The following VPS35L variants were observed in gnomAD, a reference collection of about 807,000 sequenced individuals.
VPS35L encodes the protein VPS35 endosomal protein sorting factor like.
Under a neutral mutation model 133.0 loss-of-function variants are expected in VPS35L, and 83 were observed. The observed-to-expected ratio is 0.62, with a 90% confidence interval of 0.52 to 0.75. VPS35L has a LOEUF of 0.75. Among genes scored for constraint, VPS35L ranks in the 30% least tolerant of loss-of-function variants. The pLI is 0.00. For synonymous variants in VPS35L, 423 were observed against 449.9 expected (o/e 0.94, Z 0.76); for missense variants, 1,083 against 1,206.8 (o/e 0.90, Z 1.52).
intron 9 of VPS35L, among the ~76,000 whole-genome samples, chr16:19,604,414 T>G (rs1186265492): frequency 6.6e-6 from 1 of 152,228 alleles, no homozygotes; most frequent in Non-Finnish European, 1.5e-5. Flanking sequence ...TTAGATACAT[T>G]AATTATAGCA....
In VPS35L at chr16:19,608,273, T is replaced by C. The variant is rs1359698673; in HGVS notation, c.880T>C (p.Phe294Leu). The change falls in exon 10 of 31, where the codon TTT becomes CTT. Residue 294 changes from phenylalanine (F) to leucine (L), a missense_variant and splice_region_variant. By Grantham distance (22) the Phe-to-Leu change is conservative. Coordinates refer to ENST00000417362, the MANE Select transcript of VPS35L (RefSeq NM_020314.7). ...IASIRELIPR[F>L]YVEASILKCN... ...CTCCATCAGGGAACTCATTCCAAGATTGTATCCTTTTTTTTTTTTTTGGTC... is the reference window on the plus strand; with the variant it reads ...CTCCATCAGGGAACTCATTCCAAGACTGTATCCTTTTTTTTTTTTTTGGTC... The C allele has an allele frequency of 6.4e-7, 1 of 1,572,800 alleles. No homozygotes were observed. The highest frequency in any genetic ancestry group is 1.6e-5 in the African/African-American group (1 of 63,510).
At chr16:19,677,414 C>T (rs1975101912) in intron 27 of VPS35L, among the ~76,000 whole-genome samples, 1 of 152,128 alleles carries the variant, frequency 6.6e-6, no homozygotes, top group Admixed American at 6.5e-5. Context: ...ATAGAGACCT[C>T]TCAGAGCTCC....
At chr16:19,591,050 C>G (rs796684384) in intron 7 of VPS35L, among the ~76,000 whole-genome samples, 1 of 152,100 alleles carries the variant, frequency 6.6e-6, no homozygotes, top group Non-Finnish European at 1.5e-5. Flanking sequence ...AGCAATTCCC[C>G]GCAAAGCTGA....
chr16:19,669,845 A>G (rs1348792018), intron 27 of VPS35L, among the ~76,000 whole-genome samples: 2 of 150,672 alleles, frequency 1.3e-5, no homozygotes, highest in African/African-American at 2.5e-5. Context: ...TAATTTTTGT[A>G]TTTTTAGTAG....
At chr16:19,594,869 G>A (rs1378765593) in intron 8 of VPS35L, among the ~76,000 whole-genome samples, 2 of 152,064 alleles carry the variant, frequency 1.3e-5, no homozygotes, top group African/African-American at 4.8e-5. Flanking sequence ...GGTGCTCAGA[G>A]GAAGCCTCGT....
At chr16:19,592,038 A>G (rs1460577808) in intron 8 of VPS35L, among the ~76,000 whole-genome samples, 164 bp downstream of exon 8, 2 of 151,898 alleles carry the variant, frequency 1.3e-5, no homozygotes, top group Non-Finnish European at 1.5e-5. Flanking sequence ...TAAGGGCGCT[A>G]TTTTTGAAAC....
chr16:19,695,461 A>T (rs7203575), intron 29 of VPS35L, among the ~76,000 whole-genome samples: 8,673 of 152,276 alleles, frequency 0.057, 768 homozygotes, highest in African/African-American at 0.19. Flanking sequence ...AGAACATTTC[A>T]CGTGGCATCA....
chr16:19,629,760 T>C lies in VPS35L; in HGVS notation c.1501-7T>C. 1 of 1,613,048 alleles carries C rather than the reference T, an allele frequency of 6.2e-7. No homozygotes were observed. The highest frequency in any genetic ancestry group is 1.3e-5 in the African/African-American group (1 of 75,030). ...TAATGTTAAGATGTTTTCCTTTCTC[T>C]TTGTAGGACTACATTAATTGTGCCG... On this transcript the variant is annotated splice_region_variant and splice_polypyrimidine_tract_variant and intron_variant, in intron 17 of 30. Coordinates refer to ENST00000417362, the MANE Select transcript of VPS35L (RefSeq NM_020314.7).
chr16:19,633,030 G>C lies in VPS35L; in HGVS notation c.1555-62G>C, dbSNP rs1949522706. Reference sequence around the variant, plus strand: ...TGAATACGTTAGTCCTTTCCCCCAGGAACATGGTCAGCAGTTGCCATACAG... The same window carrying C: ...TGAATACGTTAGTCCTTTCCCCCAGCAACATGGTCAGCAGTTGCCATACAG... On this transcript the variant is annotated intron_variant, in intron 18 of 30. Coordinates refer to ENST00000417362, the MANE Select transcript of VPS35L (RefSeq NM_020314.7). This position sits in a 1 kb window ranked among gnomAD's most constrained non-coding sequence, Gnocchi z 4.1. 7.7e-7 allele frequency: 1 copy of C among 1,306,256 alleles called. No homozygotes were observed. Among genetic ancestry groups the C allele is most frequent in the Non-Finnish European group, 1.1e-6 (1 of 900,910 alleles). 80.9% of individuals were successfully genotyped at this position (1,306,256 alleles called of 1,614,324 possible).
chr16:19,655,159 C>A (rs1406997243), intron 26 of VPS35L, among the ~76,000 whole-genome samples: 1 of 152,172 alleles, frequency 6.6e-6, no homozygotes, highest in African/African-American at 2.4e-5. Context: ...GGTGTCAGGA[C>A]TCTGGGCTCC....
At chr16:19,678,501 G>A (rs1480134560) in intron 27 of VPS35L, among the ~76,000 whole-genome samples, 1 of 149,470 alleles carries the variant, frequency 6.7e-6, no homozygotes, top group Non-Finnish European at 1.5e-5. Context: ...TTTTTTGAGA[G>A]GAGTCTCGCT....
Position 19,642,416 on chromosome 16 carries a change from A to G in VPS35L, c.1805A>G (p.Lys602Arg). The change falls in exon 22 of 31, where the codon AAG becomes AGG. Residue 602 changes from lysine (K) to arginine (R), a missense_variant. Transcript: ENST00000417362. Reference sequence around the variant, plus strand: ...CCTAGGCATCAACAAGAGCCCACCAAGGACCCGGTCATCTTGAATGCCCTT... The same window carrying G: ...CCTAGGCATCAACAAGAGCCCACCAGGGACCCGGTCATCTTGAATGCCCTT... ...AFIKHQQEPT[K>R]DPVILNALLH... 1 of 1,613,916 alleles carries G rather than the reference A, an allele frequency of 6.2e-7. No individual in the cohort carries two copies. Among genetic ancestry groups the G allele is most frequent in the Non-Finnish European group, 8.5e-7 (1 of 1,179,828 alleles).
In VPS35L at chr16:19,629,850, A is replaced by C. The variant is rs3764318; in HGVS notation, c.1554+30A>C. The C allele has an allele frequency of 1.2e-3, 1,875 of 1,603,732 alleles. 28 individuals are homozygous for C. In the East Asian group the frequency reaches 0.03, roughly 25 times the overall value. On this transcript the variant is annotated intron_variant, in intron 18 of 30. Coordinates refer to ENST00000417362, the MANE Select transcript of VPS35L (RefSeq NM_020314.7). ...GTGTGACTGTGGTATTGTTTTTGAA[A>C]GAATTAGATTTTTTCATGTTTATAA...
rs1597392797 is a variant in VPS35L at position 19,647,814 on chromosome 16, C to T, written c.1960C>T (p.Leu654=). The part of the protein sequence containing the change: ...VSFGRDFEQQ[L]SFYVESRSMF... Reference sequence around the variant, plus strand: ...CTTTGGCCGTGATTTTGAACAACAGCTGAGTTTTTATGTTGAGTCCAGGTC... The same window carrying T: ...CTTTGGCCGTGATTTTGAACAACAGTTGAGTTTTTATGTTGAGTCCAGGTC... Residue 654 remains leucine, a synonymous_variant, in exon 24 of 31, where the codon CTG becomes TTG. Transcript: ENST00000417362. 13 of 1,614,104 alleles carry T rather than the reference C, an allele frequency of 8.1e-6. No individual in the cohort carries two copies. The East Asian group carries it at 2.9e-4, about 36-fold the overall frequency.
intron 7 of VPS35L, among the ~76,000 whole-genome samples, chr16:19,588,550 T>C (rs1971944916): frequency 1.3e-5 from 2 of 152,118 alleles, no homozygotes; most frequent in Admixed American, 1.3e-4. Context: ...TTATTTTCAC[T>C]GTTCTGGGCC....
chr16:19,616,539 A>T (rs1477325470), intron 13 of VPS35L, 147 bp from the exon 14 acceptor site: 117 of 492,748 alleles, frequency 2.4e-4, no homozygotes, highest in Middle Eastern at 1.4e-3. Flanking sequence ...TTTTTGGTTT[A>T]AAAAAAAAAA....
intron 26 of VPS35L, among the ~76,000 whole-genome samples, chr16:19,664,089 A>G (rs1974582225): frequency 1.3e-5 from 2 of 152,114 alleles, no homozygotes; most frequent in Admixed American, 1.3e-4. Flanking sequence ...GGAAAATGTC[A>G]AATGTGATAT....
At chr16:19,604,368 A>G (rs1236222513) in intron 9 of VPS35L, among the ~76,000 whole-genome samples, 1 of 152,212 alleles carries the variant, frequency 6.6e-6, no homozygotes, top group Non-Finnish European at 1.5e-5. Context: ...CTCCTTGCCT[A>G]AACTTAAAAG....
intron 7 of VPS35L, chr16:19,587,292 A>T: frequency 2.2e-6 from 1 of 449,478 alleles, no homozygotes; most frequent in Non-Finnish European, 4.5e-6. Flanking sequence ...AAACCATGTT[A>T]ACTATGTTTT....
Sources: gnomAD v4.1 joint callset for allele counts (sites outside exome capture counted in the v4.1 genomes callset) on GRCh38, gnomAD v4.1.1 for gene constraint, Gnocchi (gnomAD v3.1) non-coding constraint, MANE v1.5 for transcripts, NCBI Gene and HGNC (gene_info 2026-07-23, HGNC 2026-07-21) for gene names.